The following EFL1 variants were observed in gnomAD, a reference collection of about 807,000 sequenced individuals.
The protein encoded by EFL1 is elongation factor-like GTPase 1.
Under a neutral mutation model 126.7 loss-of-function variants are expected in EFL1, and 76 were observed. The observed-to-expected ratio is 0.60, with a 90% CI of 0.50 to 0.73. The LOEUF is 0.73. Among genes scored for constraint, EFL1 ranks in the 30% least tolerant of loss-of-function variants. The pLI, the probability that EFL1 is intolerant of heterozygous loss-of-function variation, is 0.00. For missense variants in EFL1, 1,128 were observed against 1,343.2 expected, an observed-to-expected ratio of 0.84 and a Z score of 2.50; for synonymous variants, 410 against 448.4, an observed-to-expected ratio of 0.91 and a Z score of 1.08.
chr15:82,207,295 T>C (rs923498967), intron 15 of EFL1, among the ~76,000 whole-genome samples: 2 of 119,386 alleles, frequency 1.7e-5, no homozygotes, highest in Non-Finnish European at 3.5e-5. Context: ...TGTATATATA[T>C]ATATATATAT....
chr15:82,246,286 T>A (rs374904607), intron 4 of EFL1, among the ~76,000 whole-genome samples: 1 of 152,208 alleles, frequency 6.6e-6, no homozygotes, highest in South Asian at 2.1e-4. Context: ...CCTTTGATCA[T>A]TGGCAGTTTT....
chr15:82,236,085 G>GA (rs980420614), intron 7 of EFL1, among the ~76,000 whole-genome samples: 7 of 151,638 alleles, frequency 4.6e-5, no homozygotes, highest in Middle Eastern at 3.4e-3. Context: ...TCAGAAAAAT[G>GA]AAAAATTAAG....
intron 15 of EFL1, chr15:82,174,385 C>T (rs572620205): frequency 6.6e-6 from 1 of 151,820 alleles, no homozygotes; most frequent in East Asian, 1.9e-4. Flanking sequence ...CAAGTAAGTA[C>T]CTATGATGAT....
At chr15:82,250,943 G>A (rs965082408) in intron 4 of EFL1, among the ~76,000 whole-genome samples, 3 of 152,190 alleles carry the variant, frequency 2.0e-5, no homozygotes. Context: ...TGGGCGCGGT[G>A]GCTCCCGACT....
intron 2 of EFL1, among the ~76,000 whole-genome samples, chr15:82,260,611 A>G (rs984520620): frequency 1.3e-5 from 2 of 152,192 alleles, no homozygotes; most frequent in Non-Finnish European, 2.9e-5. Context: ...CCCTCTCATT[A>G]TTATCACATT....
chr15:82,144,650 T>C (rs534601754), intron 18 of EFL1, among the ~76,000 whole-genome samples: 1 of 152,274 alleles, frequency 6.6e-6, no homozygotes, highest in South Asian at 2.1e-4. Context: ...TTTGTTGAAT[T>C]GAATTACAAA....
At chr15:82,190,248 C>A (rs12442682) in intron 15 of EFL1, among the ~76,000 whole-genome samples, 10,295 of 152,122 alleles carry the variant, frequency 0.068, 517 homozygotes, top group African/African-American at 0.13. Flanking sequence ...ATTCTGTAAC[C>A]ATGTTTTTAA....
At chr15:82,151,419 C>A in intron 18 of EFL1, 46 bp downstream of exon 18, 1 of 1,525,654 alleles carries the variant, frequency 6.6e-7, no homozygotes. Flanking sequence ...GGAGACTTCA[C>A]TGTTATTCAG....
intron 19 of EFL1, among the ~76,000 whole-genome samples, chr15:82,131,233 G>A (rs2073639979): frequency 6.6e-6 from 1 of 151,734 alleles, no homozygotes; most frequent in Non-Finnish European, 1.5e-5. Flanking sequence ...TCAATATTTT[G>A]CCTTTGTCCT....
At chr15:82,253,196 C>T (rs750829034) in intron 3 of EFL1, among the ~76,000 whole-genome samples, 1 of 152,148 alleles carries the variant, frequency 6.6e-6, no homozygotes, top group Non-Finnish European at 1.5e-5. Context: ...TGTGCTAACA[C>T]ACCTGGCTAA....
At chr15:82,227,379 C>A in intron 11 of EFL1, 71 bp downstream of exon 11, 1 of 1,608,570 alleles carries the variant, frequency 6.2e-7, no homozygotes, top group Non-Finnish European at 8.5e-7. Context: ...GTTCAGCAAA[C>A]TGGTCTAGAG....
Position 82,219,766 on chromosome 15 carries a change from T to C in EFL1, c.1497A>G (p.Glu499=). Residue 499 remains glutamate, a synonymous_variant, in exon 14 of 20, where the codon GAA becomes GAG. Coordinates refer to ENST00000268206, the MANE Select transcript of EFL1 (RefSeq NM_024580.6). ...SMTPKPVLQE[E]NNQESFIAFA... ...ATGCAATAAAAGACTCTTGGTTGTT[T>C]TCTTCCTGGAGCACAGGTTTAGGGG... 1 of 1,614,066 alleles carries C rather than the reference T, an allele frequency of 6.2e-7. No individual in the cohort carries two copies. The highest frequency in any genetic ancestry group is 8.5e-7 in the Non-Finnish European group (1 of 1,179,960).
intron 15 of EFL1, among the ~76,000 whole-genome samples, chr15:82,180,369 A>AAC (rs1567052885): frequency 2.1e-4 from 26 of 123,710 alleles, no homozygotes; most frequent in Non-Finnish European, 4.8e-5. Flanking sequence ...CAAAAAAAAA[A>AAC]AAACAAAAAA....
chr15:82,135,739 T>C (rs1595934005), intron 19 of EFL1, among the ~76,000 whole-genome samples: 1 of 152,232 alleles, frequency 6.6e-6, no homozygotes, highest in South Asian at 2.1e-4. Context: ...GTTTTGGGCA[T>C]TGGCATGAGG....
intron 12 of EFL1, among the ~76,000 whole-genome samples, chr15:82,221,105 A>G (rs2074707344): frequency 6.6e-6 from 1 of 152,180 alleles, no homozygotes; most frequent in Admixed American, 6.5e-5. Flanking sequence ...TGGGAAGTGA[A>G]CATCAAAGCA....
intron 18 of EFL1, among the ~76,000 whole-genome samples, chr15:82,144,568 T>A (rs1477495732): frequency 6.6e-6 from 1 of 152,242 alleles, no homozygotes; most frequent in Non-Finnish European, 1.5e-5. Flanking sequence ...AATTAAGCTT[T>A]GTCACCTTAA....
At chr15:82,171,254 G>A (rs943720109) in intron 15 of EFL1, among the ~76,000 whole-genome samples, 5 of 152,162 alleles carry the variant, frequency 3.3e-5, no homozygotes, top group African/African-American at 1.2e-4. Flanking sequence ...TGTTAGTCGT[G>A]GATCAGATTA....
Position 82,172,082 on chromosome 15 carries a change from TA to T in EFL1, c.1751-8099del, listed in dbSNP as rs58160667. On this transcript the variant is annotated intron_variant, in intron 15 of 19. Transcript: ENST00000268206. The stretch of plus-strand genomic sequence containing the variant: ...AAAGAAAGCCTCAGTCAAAAAACAT[TA>T]AAAAAAAAAAGAATCTCATTGATAA... Among the ~76,000 whole-genome samples, 1,130 of 145,080 alleles carry T rather than the reference TA, an allele frequency of 7.8e-3. 11 individuals are homozygous for T. Among genetic ancestry groups the T allele is most frequent in the Non-Finnish European group, 9.0e-3 (593 of 65,752 alleles).
At chr15:82,252,945 G>A (rs1008616162) in intron 3 of EFL1, among the ~76,000 whole-genome samples, 170 bp from the exon 4 acceptor site, 1 of 151,992 alleles carries the variant, frequency 6.6e-6, no homozygotes, top group Non-Finnish European at 1.5e-5. Context: ...TGAACTTCTA[G>A]CCTCAAGTGA....
Sources: gnomAD v4.1 joint callset for allele counts (sites outside exome capture counted in the v4.1 genomes callset) on GRCh38, gnomAD v4.1.1 for gene constraint, MANE v1.5 for transcripts, NCBI Gene and HGNC (gene_info 2026-07-23, HGNC 2026-07-21) for gene names.